The following SORCS1 variants were observed in gnomAD, a reference collection of about 807,000 sequenced individuals.
SORCS1 encodes sortilin related VPS10 domain containing receptor 1, also known as VPS10 domain-containing receptor SorCS1.
A neutral mutation model predicts 146.1 loss-of-function variants in SORCS1; 60 were observed. The observed-to-expected ratio is 0.41, with a 90% CI of 0.33 to 0.51. SORCS1 has a LOEUF of 0.51. Among genes scored for constraint, SORCS1 ranks in the 20% least tolerant of loss-of-function variants. The probability of loss-of-function intolerance (pLI) is 0.21; values close to 1 mark genes in which losing one functional copy is unlikely to be tolerated. For synonymous variants in SORCS1, 637 were observed against 584.0 expected, an observed-to-expected ratio of 1.09 and a Z score of -1.31; for missense variants, 1,352 against 1,487.6, an observed-to-expected ratio of 0.91 and a Z score of 1.50.
chr10:106,639,259 A>G (rs952984952), intron 18 of SORCS1, among the ~76,000 whole-genome samples: 2 of 152,180 alleles, frequency 1.3e-5, no homozygotes, highest in Non-Finnish European at 2.9e-5. Context: ...ACCCATGTGG[A>G]TGAAGTGGGA....
intron 10 of SORCS1, among the ~76,000 whole-genome samples, chr10:106,684,623 G>C (rs984098739): frequency 1.2e-4 from 18 of 152,098 alleles, no homozygotes; most frequent in African/African-American, 4.1e-4. Flanking sequence ...AATTACCCTA[G>C]ATGTTTTATT....
At chr10:107,149,750 A>T (rs7900395) in intron 1 of SORCS1, among the ~76,000 whole-genome samples, 1 of 152,134 alleles carries the variant, frequency 6.6e-6, no homozygotes, top group South Asian at 2.1e-4. Flanking sequence ...ATCTAATCTG[A>T]TATTTTAAAA....
At chr10:106,888,009 C>T (rs915036522) in intron 2 of SORCS1, among the ~76,000 whole-genome samples, 1 of 152,224 alleles carries the variant, frequency 6.6e-6, no homozygotes, top group Non-Finnish European at 1.5e-5. Flanking sequence ...TTCCAAATTC[C>T]CAACTCCTTG....
chr10:106,977,364 C>T (rs1463997713), intron 1 of SORCS1, among the ~76,000 whole-genome samples: 3 of 152,098 alleles, frequency 2.0e-5, no homozygotes, highest in Admixed American at 2.0e-4. Flanking sequence ...ATCCTTTGCC[C>T]ACTTTTTGAT....
intron 1 of SORCS1, among the ~76,000 whole-genome samples, chr10:107,160,315 T>C (rs1259779321): frequency 6.6e-6 from 1 of 152,244 alleles, no homozygotes; most frequent in Non-Finnish European, 1.5e-5. Context: ...GTCTCTGTTC[T>C]GCCACTGACC....
In SORCS1 at chr10:106,866,875, A is replaced by G. The variant is rs1589590587; in HGVS notation, c.627-37202T>C. Among the ~76,000 whole-genome samples the G allele has an allele frequency of 2.0e-5, 3 of 152,368 alleles. No homozygotes were observed. In the East Asian group the frequency reaches 5.8e-4, roughly 29 times the overall value. ...TGTACTTAATCTACACTGCACTTAA[A>G]GGAACACCCACATGCAGAGATGAGA... On this transcript the variant is annotated intron_variant, in intron 2 of 25. Coordinates refer to ENST00000263054, the MANE Select transcript of SORCS1 (RefSeq NM_052918.5).
At chr10:106,655,915 C>T (rs1352317730) in intron 17 of SORCS1, among the ~76,000 whole-genome samples, 1 of 152,150 alleles carries the variant, frequency 6.6e-6, no homozygotes, top group Non-Finnish European at 1.5e-5. Context: ...TTAAATGGGG[C>T]TGCTACCTCC....
chr10:106,850,442 G>GTGCGCGCA (rs1554860498), intron 2 of SORCS1, among the ~76,000 whole-genome samples: 3 of 152,004 alleles, frequency 2.0e-5, no homozygotes, highest in Non-Finnish European at 4.4e-5. Context: ...CCCTGCTTCG[G>GTGCGCGCA]CTCGCACACG....
At chr10:106,759,552 T>C (rs1456633630) in intron 5 of SORCS1, among the ~76,000 whole-genome samples, 4 of 152,206 alleles carry the variant, frequency 2.6e-5, no homozygotes, top group Admixed American at 2.6e-4. Context: ...TGTTCTGTGA[T>C]TTGTTCTTAC....
Position 106,612,133 on chromosome 10 carries a change from T to C in SORCS1, c.2921-110A>G, listed in dbSNP as rs1035484526. On this transcript the variant is annotated intron_variant, in intron 21 of 25. Transcript: ENST00000263054. ...GAGGGTCCTTCCCCTTCACTTACCA[T>C]AGGGACCTTTTTAGAAGGCAAGCCA... 31 of 753,042 alleles carry C rather than the reference T, an allele frequency of 4.1e-5. No individual in the cohort carries two copies. The South Asian group carries it at 5.6e-4, about 14-fold the overall frequency. The allele number at this position is 753,042 out of a possible 1,614,324, so 46.6% of individuals were successfully genotyped here.
chr10:106,673,136 C>T (rs1457929374), intron 14 of SORCS1, 151 bp from the exon 15 acceptor site: 4 of 447,906 alleles, frequency 8.9e-6, no homozygotes, highest in African/African-American at 2.1e-5. Context: ...GAAGAGGGTA[C>T]TTTTTTTTTT....
chr10:106,932,810 T>C (rs996658132), intron 2 of SORCS1, among the ~76,000 whole-genome samples: 2 of 152,188 alleles, frequency 1.3e-5, no homozygotes, highest in African/African-American at 2.4e-5. Context: ...AATGCTTAAC[T>C]GGGGATTAGA....
intron 5 of SORCS1, among the ~76,000 whole-genome samples, chr10:106,741,368 G>T (rs1212520993): frequency 6.6e-6 from 1 of 152,182 alleles, no homozygotes. Flanking sequence ...AGAGGCTAAG[G>T]CAGGTGGATT....
chr10:106,980,172 CA>C (rs2139335398), intron 1 of SORCS1, among the ~76,000 whole-genome samples: 1 of 152,092 alleles, frequency 6.6e-6, no homozygotes, highest in East Asian at 1.9e-4. Context: ...GGAAAACAAA[CA>C]AAAAAAGCAA....
chr10:106,747,836 GA>G (rs1339571504), intron 5 of SORCS1, among the ~76,000 whole-genome samples: 4 of 152,008 alleles, frequency 2.6e-5, no homozygotes, highest in Non-Finnish European at 4.4e-5. Context: ...AAATGTTTGA[GA>G]AGATGGATAT....
chr10:106,772,130 C>T (rs1860064469), intron 4 of SORCS1, among the ~76,000 whole-genome samples: 1 of 152,138 alleles, frequency 6.6e-6, no homozygotes, highest in Non-Finnish European at 1.5e-5. Flanking sequence ...CTGAGAAAAT[C>T]CACCCTCTCC....
At chr10:106,786,002 C>T (rs766784795) in intron 3 of SORCS1, among the ~76,000 whole-genome samples, 1 of 152,176 alleles carries the variant, frequency 6.6e-6, no homozygotes, top group South Asian at 2.1e-4. Flanking sequence ...GCTTTCCTCT[C>T]TCTTTTTGGA....
intron 1 of SORCS1, among the ~76,000 whole-genome samples, chr10:106,989,271 GA>G (rs1161174866): frequency 0.19 from 14,206 of 73,516 alleles, 649 homozygotes; most frequent in Non-Finnish European, 0.24. Flanking sequence ...CTCCACCTCA[GA>G]AAAAAAAAAA....
intron 1 of SORCS1, among the ~76,000 whole-genome samples, chr10:107,103,206 G>T (rs1396682395): frequency 1.3e-5 from 2 of 152,202 alleles, no homozygotes; most frequent in African/African-American, 4.8e-5. Flanking sequence ...CAGAGAGAGA[G>T]TTGGATCTGC....
Sources: allele counts gnomAD v4.1 joint callset (sites outside exome capture counted in the v4.1 genomes callset), GRCh38; gene constraint gnomAD v4.1.1; transcripts MANE v1.5; gene names NCBI Gene and HGNC (gene_info 2026-07-23, HGNC 2026-07-21).